The following EML1 variants were observed in gnomAD, a reference collection of about 807,000 sequenced individuals.
EML1 encodes the protein EMAP like 1.
In EML1, 27 loss-of-function variants were observed where a neutral mutation model predicts 110.4. The ratio of observed to expected loss-of-function variants is 0.24; its 90% CI spans 0.18 to 0.34. The LOEUF (loss-of-function observed/expected upper bound fraction) is 0.34. Among genes scored for constraint, EML1 ranks in the 10% least tolerant of loss-of-function variants. The pLI is 1.00. For synonymous variants in EML1, 344 were observed against 385.8 expected, an observed-to-expected ratio of 0.89 and a Z score of 1.27; for missense variants, 741 against 1,030.9, an observed-to-expected ratio of 0.72 and a Z score of 3.85.
intron 1 of EML1, among the ~76,000 whole-genome samples, chr14:99,813,087 G>A (rs562014519): frequency 2.6e-5 from 4 of 152,216 alleles, no homozygotes; most frequent in Non-Finnish European, 5.9e-5. Context: ...GTAGTTAGCC[G>A]TCTTTCTTGA....
intron 1 of EML1, among the ~76,000 whole-genome samples, chr14:99,754,317 G>A (rs1262146104): frequency 6.6e-6 from 1 of 152,228 alleles, no homozygotes; most frequent in African/African-American, 2.4e-5. Flanking sequence ...AGGGCAAGGA[G>A]GGGGCCCCAT....
At chr14:99,930,665 A>G (rs1219623530) in intron 17 of EML1, among the ~76,000 whole-genome samples, 1 of 152,238 alleles carries the variant, frequency 6.6e-6, no homozygotes, top group Non-Finnish European at 1.5e-5. Flanking sequence ...GATAATTCTC[A>G]TATTTAACAT....
Position 99,865,572 on chromosome 14 carries a change from A to G in EML1, c.309A>G (p.Leu103=), listed in dbSNP as rs961556397. ...LRTTVNNGTV[L]PKKPTGSLPS... Reference sequence around the variant, plus strand: ...CCACGGTCAACAATGGCACTGTGTTACCAAAGAAACCTACTGGCTCTCTAC... The same window carrying G: ...CCACGGTCAACAATGGCACTGTGTTGCCAAAGAAACCTACTGGCTCTCTAC... Residue 103 remains leucine, a synonymous_variant, in exon 3 of 22, where the codon TTA becomes TTG. Coordinates refer to ENST00000262233, the MANE Select transcript of EML1 (RefSeq NM_004434.3). 36 of 1,614,134 alleles carry G rather than the reference A, an allele frequency of 2.2e-5. No homozygotes were observed. The highest frequency in any genetic ancestry group is 3.1e-5 in the Non-Finnish European group (36 of 1,180,054).
At chr14:99,871,821 G>C (rs2059210099) in intron 3 of EML1, among the ~76,000 whole-genome samples, 1 of 152,184 alleles carries the variant, frequency 6.6e-6, no homozygotes, top group Admixed American at 6.5e-5. Flanking sequence ...TGTGAACACT[G>C]TTCACATTTC....
intron 4 of EML1, among the ~76,000 whole-genome samples, chr14:99,880,420 C>T (rs1047018506): frequency 6.6e-6 from 1 of 152,116 alleles, no homozygotes; most frequent in Admixed American, 6.5e-5. Flanking sequence ...TTCCCACGTG[C>T]GCAGCCCCAT....
intron 1 of EML1, among the ~76,000 whole-genome samples, chr14:99,741,871 G>A (rs945779547): frequency 6.6e-6 from 1 of 152,184 alleles, no homozygotes; most frequent in African/African-American, 2.4e-5. Flanking sequence ...GATGCCTGGA[G>A]TGGCCCTGGG....
At chr14:99,913,360 A>G (rs1272169299) in intron 13 of EML1, among the ~76,000 whole-genome samples, 1 of 151,890 alleles carries the variant, frequency 6.6e-6, no homozygotes, top group African/African-American at 2.4e-5. Flanking sequence ...TATTTTTGGT[A>G]GAAATGGAGT....
chr14:99,839,822 T>C (rs2058604482), intron 1 of EML1, among the ~76,000 whole-genome samples: 1 of 152,190 alleles, frequency 6.6e-6, no homozygotes, highest in Admixed American at 6.5e-5. Flanking sequence ...GAGCCGGAGC[T>C]CTTGTGGCAG....
chr14:99,851,012 T>G lies in EML1; in HGVS notation c.227T>G (p.Leu76Arg), dbSNP rs909654752. The change falls in exon 2 of 22, where the codon CTT becomes CGT. Residue 76 changes from leucine to arginine, a missense_variant. This residue lies in a region of EML1 where 226 missense variants were observed against 255.6 expected (regional missense o/e 0.88). Coordinates refer to ENST00000262233, the MANE Select transcript of EML1 (RefSeq NM_004434.3). ...LNITEEQQAV[L>R]NRKGPTKARP... is the part of the protein sequence containing the mutation. ...ATTACTGAGGAACAGCAGGCCGTGCTTAACAGGAAAGGACCTACCAAAGGT... is the reference window on the plus strand; with the variant it reads ...ATTACTGAGGAACAGCAGGCCGTGCGTAACAGGAAAGGACCTACCAAAGGT... 1.1e-5 allele frequency: 17 copies of G among 1,613,974 alleles called. No individual in the cohort carries two copies. Among genetic ancestry groups the G allele is most frequent in the Middle Eastern group, 1.7e-4 (1 of 5,984 alleles).
At chr14:99,821,023 CTTT>C (rs869159128) in intron 1 of EML1, among the ~76,000 whole-genome samples, 8 of 133,852 alleles carry the variant, frequency 6.0e-5, no homozygotes, top group Non-Finnish European at 6.4e-5. Flanking sequence ...CTTACATTTA[CTTT>C]TTTTTTTTTT....
At chr14:99,752,247 C>A (rs532415496) in intron 1 of EML1, among the ~76,000 whole-genome samples, 1 of 152,194 alleles carries the variant, frequency 6.6e-6, no homozygotes, top group African/African-American at 2.4e-5. Context: ...GGAGGACACT[C>A]GAAATTCCAA....
At chr14:99,895,720 A>G (rs1216739682) in intron 6 of EML1, among the ~76,000 whole-genome samples, 2 of 151,560 alleles carry the variant, frequency 1.3e-5, no homozygotes, top group Non-Finnish European at 2.9e-5. Context: ...AGTCAAGTGA[A>G]TGACGTAAAT....
In EML1 at chr14:99,806,159, T is replaced by G. The variant is rs1043436357; in HGVS notation, c.67+12616T>G. ...CAGAATCCTAAACTGAATGTTTAAC[T>G]AAAAGGTTCAAAGCCCTGGGCAAGA... On this transcript the variant is annotated intron_variant, in intron 1 of 21. Transcript: ENST00000262233. 3.3e-5 allele frequency among the ~76,000 whole-genome samples: 5 copies of G among 152,246 alleles called. No homozygotes were observed. In the East Asian group the frequency reaches 9.6e-4, roughly 29 times the overall value.
intron 17 of EML1, among the ~76,000 whole-genome samples, chr14:99,934,285 G>A (rs927624629): frequency 2.0e-5 from 3 of 152,232 alleles, no homozygotes; most frequent in Non-Finnish European, 4.4e-5. Flanking sequence ...ATCAGCAGCC[G>A]ATGACAGCCT....
chr14:99,876,855 A>G (rs565864243), intron 3 of EML1, among the ~76,000 whole-genome samples: 1 of 152,292 alleles, frequency 6.6e-6, no homozygotes, highest in South Asian at 2.1e-4. Flanking sequence ...TGATACTTCC[A>G]TTTATTTCAT....
chr14:99,786,813 G>A (rs1401730984), intron 1 of EML1, among the ~76,000 whole-genome samples: 1 of 152,184 alleles, frequency 6.6e-6, no homozygotes, highest in Non-Finnish European at 1.5e-5. Flanking sequence ...AAGGACATCA[G>A]TTAGCACCTC....
chr14:99,801,629 G>A (rs1855415186), intron 1 of EML1, among the ~76,000 whole-genome samples: 1 of 149,426 alleles, frequency 6.7e-6, no homozygotes, highest in Non-Finnish European at 1.5e-5. Context: ...AAAAAAAAAA[G>A]AAATTCTCCT....
At chr14:99,826,105 A>ATTTTTTTTTTTTTTTTTTTTTTTTTT in intron 1 of EML1, among the ~76,000 whole-genome samples, 1 of 79,968 alleles carries the variant, frequency 1.3e-5, no homozygotes, top group Non-Finnish European at 2.3e-5. Flanking sequence ...CTGTGCATTG[A>ATTTTTTTTTTTTTTTTTTTTTTTTTT]TTTTTTTTTT....
intron 2 of EML1, among the ~76,000 whole-genome samples, chr14:99,863,962 G>C (rs1294767511): frequency 1.3e-5 from 2 of 152,260 alleles, no homozygotes; most frequent in Non-Finnish European, 2.9e-5. Context: ...CAAGGAATGA[G>C]AGTTCCTGTT....
Sources: allele counts gnomAD v4.1 joint callset (sites outside exome capture counted in the v4.1 genomes callset), GRCh38; gene constraint gnomAD v4.1.1; regional missense constraint gnomAD v4.1.1; transcripts MANE v1.5; gene names NCBI Gene and HGNC (gene_info 2026-07-23, HGNC 2026-07-21).